The following KCNMB2 variants were observed in gnomAD, a reference collection of about 807,000 sequenced individuals.
The protein encoded by KCNMB2 is calcium-activated potassium channel subunit beta-2.
In KCNMB2, 9 loss-of-function variants were observed where a neutral mutation model predicts 24.5. The ratio of observed to expected loss-of-function variants is 0.37; its 90% CI spans 0.22 to 0.64. KCNMB2 has a LOEUF of 0.64. KCNMB2 is among the 30% of genes least tolerant of loss of function. KCNMB2 has a pLI of 0.63. For missense variants in KCNMB2, 226 were observed against 284.3 expected (o/e 0.79, Z 1.47); for synonymous variants, 109 against 104.4 (o/e 1.04, Z -0.27).
chr3:178,667,195 T>A (rs564614545), intron 1 of KCNMB2, among the ~76,000 whole-genome samples: 2 of 152,208 alleles, frequency 1.3e-5, no homozygotes, highest in South Asian at 4.1e-4. Context: ...CCTATTCCAA[T>A]CTGATTGGTA....
At position 178,765,282 on chromosome 3, in the gene KCNMB2, C is replaced by T. The variant is rs535369787; in HGVS notation, c.-67-42061C>T. Among the ~76,000 whole-genome samples, 3 of 152,244 alleles carry T rather than the reference C, an allele frequency of 2.0e-5. No individual in the cohort carries two copies. The South Asian group carries it at 6.2e-4, about 32-fold the overall frequency. The stretch of plus-strand genomic sequence containing the variant: ...CCCCTCACACACGTGTTATCAACCA[C>T]CCACTAAAAAAGATGCCTGTCACTG... On this transcript the variant is annotated intron_variant, in intron 1 of 4. Coordinates refer to ENST00000452583, the MANE Select transcript of KCNMB2 (RefSeq NM_181361.3).
intron 1 of KCNMB2, among the ~76,000 whole-genome samples, chr3:178,647,187 C>G (rs956212396): frequency 6.6e-6 from 1 of 152,082 alleles, no homozygotes; most frequent in Non-Finnish European, 1.5e-5. Flanking sequence ...GTCAGAAAGA[C>G]CACTGCACAG....
chr3:178,614,309 A>ATT (rs1437053618), intron 1 of KCNMB2, among the ~76,000 whole-genome samples: 13 of 116,342 alleles, frequency 1.1e-4, no homozygotes, highest in Non-Finnish European at 2.0e-4. Flanking sequence ...ATGTATATAT[A>ATT]TGTATGTGTA....
intron 1 of KCNMB2, among the ~76,000 whole-genome samples, chr3:178,676,636 C>A (rs925443024): frequency 1.3e-5 from 2 of 152,136 alleles, no homozygotes. Context: ...TAACGATAAT[C>A]CATAAAGAGG....
chr3:178,686,566 G>C (rs1484290071), intron 1 of KCNMB2, among the ~76,000 whole-genome samples: 3 of 152,092 alleles, frequency 2.0e-5, no homozygotes, highest in Non-Finnish European at 4.4e-5. Context: ...CCTGCTTCAA[G>C]GGAGGAGGGA....
At chr3:178,641,199 C>T (rs1265404990) in intron 1 of KCNMB2, among the ~76,000 whole-genome samples, 1 of 152,044 alleles carries the variant, frequency 6.6e-6, no homozygotes, top group East Asian at 1.9e-4. Flanking sequence ...TTTATAAGAG[C>T]TCTAGAATCA....
intron 1 of KCNMB2, among the ~76,000 whole-genome samples, chr3:178,712,876 G>A (rs868246062): frequency 3.3e-5 from 5 of 151,932 alleles, no homozygotes; most frequent in Non-Finnish European, 7.4e-5. Context: ...CTGTGAATTG[G>A]GAATACTAGG....
chr3:178,825,829 C>A, intron 3 of KCNMB2, 71 bp downstream of exon 3: 2 of 1,217,528 alleles, frequency 1.6e-6, no homozygotes, highest in Non-Finnish European at 2.3e-6. Context: ...CTTAGGCAAC[C>A]CTAAGGTCAT....
chr3:178,655,936 C>T (rs933413847), intron 1 of KCNMB2, among the ~76,000 whole-genome samples: 1 of 152,092 alleles, frequency 6.6e-6, no homozygotes, highest in Non-Finnish European at 1.5e-5. Context: ...CCTTCTTTTA[C>T]CGGGGATGGA....
intron 1 of KCNMB2, among the ~76,000 whole-genome samples, chr3:178,793,511 C>T (rs1241876172): frequency 7.4e-6 from 1 of 135,352 alleles, no homozygotes; most frequent in Non-Finnish European, 1.7e-5. Context: ...CTGCTCTTCA[C>T]CCTGGGGGGG....
chr3:178,758,088 GAGGATATATATATA>G (rs1724241583), intron 1 of KCNMB2, among the ~76,000 whole-genome samples: 2 of 81,706 alleles, frequency 2.4e-5, no homozygotes, highest in East Asian at 3.6e-4. Context: ...ATATACACAA[GAGGATATATATATA>G]TACACACAAG....
At chr3:178,817,278 G>C (rs1007720707) in intron 2 of KCNMB2, among the ~76,000 whole-genome samples, 1 of 146,572 alleles carries the variant, frequency 6.8e-6, no homozygotes, top group African/African-American at 2.6e-5. Context: ...CATTGCTCCT[G>C]ATGAAATGTA....
At chr3:178,826,595 A>G (rs4257520) in intron 3 of KCNMB2, among the ~76,000 whole-genome samples, 97,879 of 151,794 alleles carry the variant, frequency 0.64, 33,436 homozygotes, top group African/African-American at 0.87. Flanking sequence ...AAACACAGGC[A>G]AGCCCAGCCC....
intron 1 of KCNMB2, among the ~76,000 whole-genome samples, chr3:178,718,769 C>T (rs184893589): frequency 3.0e-4 from 46 of 152,312 alleles, no homozygotes; most frequent in African/African-American, 1.0e-3. Flanking sequence ...CTTTAGCATA[C>T]TTTAGTCTGA....
chr3:178,702,966 G>A (rs1722153387), intron 1 of KCNMB2, among the ~76,000 whole-genome samples: 1 of 152,124 alleles, frequency 6.6e-6, no homozygotes, highest in South Asian at 2.1e-4. Context: ...TGTATTTTCA[G>A]GCCAAGGAAA....
At chr3:178,688,850 T>C (rs1468185137) in intron 1 of KCNMB2, among the ~76,000 whole-genome samples, 1 of 152,208 alleles carries the variant, frequency 6.6e-6, no homozygotes, top group East Asian at 1.9e-4. Flanking sequence ...GTAAACGTTC[T>C]CATATTTCTA....
chr3:178,690,570 T>G (rs1025161378), intron 1 of KCNMB2, among the ~76,000 whole-genome samples: 1 of 151,890 alleles, frequency 6.6e-6, no homozygotes, highest in African/African-American at 2.4e-5. Context: ...AGGGAAGAAC[T>G]GAGACAATGG....
chr3:178,553,162 C>A (rs1025298037), intron 1 of KCNMB2, among the ~76,000 whole-genome samples: 1 of 152,176 alleles, frequency 6.6e-6, no homozygotes, highest in African/African-American at 2.4e-5. Flanking sequence ...ACTTGAACTT[C>A]TAAATTGCAG....
At chr3:178,634,079 A>C (rs1044273570) in intron 1 of KCNMB2, among the ~76,000 whole-genome samples, 2 of 152,184 alleles carry the variant, frequency 1.3e-5, no homozygotes, top group African/African-American at 4.8e-5. Flanking sequence ...AAAGCCATTC[A>C]ACATGTCTCT....
Sources: allele counts gnomAD v4.1 joint callset (sites outside exome capture counted in the v4.1 genomes callset), GRCh38; gene constraint gnomAD v4.1.1; transcripts MANE v1.5; gene names NCBI Gene and HGNC (gene_info 2026-07-23, HGNC 2026-07-21).